PRKCH: variants seen among roughly 807,000 people sequenced by gnomAD.
PRKCH encodes protein kinase C eta.
Under a neutral mutation model 82.5 loss-of-function variants are expected in PRKCH, and 28 were observed. That is an observed-to-expected ratio of 0.34 (90% confidence interval 0.25 to 0.47). The LOEUF is 0.47. PRKCH is among the 20% of genes least tolerant of loss of function. The probability of loss-of-function intolerance (pLI) is 1.00; values close to 1 mark genes in which losing one functional copy is unlikely to be tolerated. For missense variants in PRKCH, 705 were observed against 881.8 expected (o/e 0.80, Z 2.54); for synonymous variants, 322 against 327.4 (o/e 0.98, Z 0.18).
At chr14:61,331,733 A>C (rs2045792000) in intron 1 of PRKCH, among the ~76,000 whole-genome samples, 1 of 152,048 alleles carries the variant, frequency 6.6e-6, no homozygotes, top group East Asian at 1.9e-4. Context: ...TATATCTCTA[A>C]AGCCTCTGCT....
intron 2 of PRKCH, among the ~76,000 whole-genome samples, chr14:61,405,380 CTTT>C (rs55977918): frequency 6.9e-5 from 10 of 145,348 alleles, no homozygotes; most frequent in Non-Finnish European, 1.1e-4. Context: ...ATCTTCTGCT[CTTT>C]TTTTTTTTTT....
At chr14:61,413,237 TC>T (rs1325069977) in intron 2 of PRKCH, among the ~76,000 whole-genome samples, 3 of 152,092 alleles carry the variant, frequency 2.0e-5, no homozygotes, top group African/African-American at 7.2e-5. Flanking sequence ...CTGCAATCTT[TC>T]GTGTGACCGT....
intron 1 of PRKCH, among the ~76,000 whole-genome samples, chr14:61,366,899 C>G (rs2140167884): frequency 6.6e-6 from 1 of 152,174 alleles, no homozygotes; most frequent in African/African-American, 2.4e-5. Flanking sequence ...CTGAGAGGAG[C>G]TCTCTGTCTA....
chr14:61,483,910 G>A (rs561075557), intron 9 of PRKCH, among the ~76,000 whole-genome samples: 280 of 152,196 alleles, frequency 1.8e-3, no homozygotes, highest in Non-Finnish European at 3.3e-3. Context: ...GTGTGGTGGC[G>A]CACGCCTGTA....
chr14:61,190,726 C>CG (rs2044401505), intron 1 of PRKCH, among the ~76,000 whole-genome samples: 1 of 152,164 alleles, frequency 6.6e-6, no homozygotes, highest in Admixed American at 6.5e-5. Flanking sequence ...GGACGCTCCC[C>CG]GCTCTGAGGC....
intron 1 of PRKCH, among the ~76,000 whole-genome samples, chr14:61,311,557 G>A (rs2045524041): frequency 6.6e-6 from 1 of 152,188 alleles, no homozygotes; most frequent in Non-Finnish European, 1.5e-5. Context: ...ACGTCTGCGT[G>A]TTACCCAGTT....
chr14:61,467,476 G>A lies in PRKCH; in HGVS notation c.1278+9797G>A, dbSNP rs145872284. Reference sequence around the variant, plus strand: ...GCATTTGGCTGAGCCCCTGCCAGCCGCTGGATGTGGGGAGGAGAAGGCATG... The same window carrying A: ...GCATTTGGCTGAGCCCCTGCCAGCCACTGGATGTGGGGAGGAGAAGGCATG... On this transcript the variant is annotated intron_variant, in intron 9 of 13. Transcript: ENST00000332981. Among the ~76,000 whole-genome samples the A allele has an allele frequency of 7.5e-3, 1,137 of 152,310 alleles. 14 individuals carry two copies. Among genetic ancestry groups the A allele is most frequent in the African/African-American group, 0.026 (1,074 of 41,560 alleles).
At chr14:61,348,057 C>T (rs960682062) in intron 1 of PRKCH, 1 of 152,294 alleles carries the variant, frequency 6.6e-6, no homozygotes, top group Admixed American at 6.5e-5. Context: ...TTCCTTCTTT[C>T]TGGTAAGGGT....
At chr14:61,345,741 T>C (rs972697783) in intron 1 of PRKCH, among the ~76,000 whole-genome samples, 1 of 152,098 alleles carries the variant, frequency 6.6e-6, no homozygotes, top group African/African-American at 2.4e-5. Context: ...CTCAGAGAGG[T>C]TAAGATACTT....
At chr14:61,494,127 A>G (rs768812290) in intron 10 of PRKCH, among the ~76,000 whole-genome samples, 3 of 152,178 alleles carry the variant, frequency 2.0e-5, no homozygotes, top group Non-Finnish European at 4.4e-5. Flanking sequence ...TCTGAAGCTC[A>G]GTAAAGAGGA....
At chr14:61,379,209 C>T (rs2046465473) in intron 1 of PRKCH, among the ~76,000 whole-genome samples, 1 of 150,540 alleles carries the variant, frequency 6.6e-6, no homozygotes, top group Non-Finnish European at 1.5e-5. Flanking sequence ...TGTAGATGCC[C>T]CCCCTCCCCA....
chr14:61,287,632 C>T (rs936043956), intron 1 of PRKCH, among the ~76,000 whole-genome samples: 1 of 152,030 alleles, frequency 6.6e-6, no homozygotes, highest in Non-Finnish European at 1.5e-5. Context: ...ATTGCTTTAA[C>T]CTGGGAGGTG....
Position 61,188,611 on chromosome 14 carries a change from GGTGTGTGTGTGT to G in PRKCH, c.-19+976_-19+987del, listed in dbSNP as rs1170634010. 4.4e-3 allele frequency among the ~76,000 whole-genome samples: 223 copies of G among 50,956 alleles called. 12 individuals are homozygous for G. The East Asian group carries it at 0.07, about 16-fold the overall frequency. The allele number at this position is 50,956 out of a possible 152,430, so 33.4% of individuals were successfully genotyped here. A position where few individuals can be genotyped will look rare whatever the true frequency, so the allele number is the denominator to read the frequency against. Reference sequence around the variant, plus strand: ...TGTCGGGGGGGTGGGGGGGTGGTGTGGTGTGTGTGTGTGTGTGTGTGTGTGTGTGTGTGTGTG... The same window carrying G: ...TGTCGGGGGGGTGGGGGGGTGGTGTGGTGTGTGTGTGTGTGTGTGTGTGTG... On this transcript the variant is annotated intron_variant, in intron 1 of 3. Transcript: ENST00000555185.
intron 1 of PRKCH, among the ~76,000 whole-genome samples, chr14:61,249,854 C>T (rs1326671159): frequency 2.6e-5 from 4 of 151,354 alleles, no homozygotes; most frequent in African/African-American, 7.3e-5. Flanking sequence ...CTCCTGACCT[C>T]GTGATCCACC....
chr14:61,463,188 G>C (rs920418203), intron 9 of PRKCH: 2 of 152,124 alleles, frequency 1.3e-5, no homozygotes, highest in African/African-American at 4.8e-5. Context: ...TCGCTGTGAG[G>C]GTCAAATGAG....
chr14:61,510,405 T>C (rs1887325427), intron 10 of PRKCH, among the ~76,000 whole-genome samples: 1 of 151,294 alleles, frequency 6.6e-6, no homozygotes, highest in Non-Finnish European at 1.5e-5. Context: ...AAGCCAGTAA[T>C]GGTGGGAAGA....
intron 9 of PRKCH, among the ~76,000 whole-genome samples, chr14:61,461,783 T>C (rs1456845130): frequency 1.3e-5 from 2 of 152,198 alleles, no homozygotes; most frequent in Non-Finnish European, 2.9e-5. Flanking sequence ...CCAATCAATA[T>C]AGCATATGCA....
chr14:61,545,521 G>A (rs1321048498), intron 12 of PRKCH, among the ~76,000 whole-genome samples: 1 of 152,046 alleles, frequency 6.6e-6, no homozygotes, highest in African/African-American at 2.4e-5. Context: ...GAAAACCTTT[G>A]TCAATTGAAT....
At chr14:61,215,022 C>T (rs9323368) in intron 1 of PRKCH, among the ~76,000 whole-genome samples, 142,013 of 152,230 alleles carry the variant, frequency 0.93, 66,610 homozygotes, top group Non-Finnish European at 0.98. Context: ...AATTAAAGAT[C>T]GATTGCATTT....
Sources: allele counts gnomAD v4.1 joint callset (sites outside exome capture counted in the v4.1 genomes callset), GRCh38; gene constraint gnomAD v4.1.1; transcripts MANE v1.5; gene names NCBI Gene and HGNC (gene_info 2026-07-23, HGNC 2026-07-21).